Variants in TIGIT observed in about 807,000 individuals in gnomAD.
TIGIT encodes the protein T-cell immunoreceptor with Ig and ITIM domains.
TIGIT carries 11 observed loss-of-function variants against 19.6 expected under a neutral mutation model. The observed-to-expected ratio is 0.56, with a 90% CI of 0.35 to 0.93. The LOEUF (loss-of-function observed/expected upper bound fraction) is 0.93, where lower values mean the gene tolerates loss of function less well. Ranked by LOEUF, TIGIT falls within the 40% of genes least tolerant of loss-of-function variation. TIGIT has a pLI of 0.01. For missense variants in TIGIT, 295 were observed against 303.9 expected (o/e 0.97, Z 0.22); for synonymous variants, 130 against 125.5 (o/e 1.04, Z -0.24).
intron 2 of TIGIT, among the ~76,000 whole-genome samples, chr3:114,297,191 A>G (rs997138855): frequency 6.6e-6 from 1 of 152,110 alleles, no homozygotes; most frequent in Non-Finnish European, 1.5e-5. Flanking sequence ...ACATAGGCCA[A>G]ACAAAGACTG....
intron 2 of TIGIT, among the ~76,000 whole-genome samples, chr3:114,298,442 G>T (rs997281989): frequency 5.3e-5 from 8 of 152,162 alleles, no homozygotes; most frequent in African/African-American, 1.9e-4. Context: ...AGGTGTAAGA[G>T]AACCCAGGCC....
At chr3:114,300,304 T>C (rs1304107059) in intron 3 of TIGIT, among the ~76,000 whole-genome samples, 1 of 151,706 alleles carries the variant, frequency 6.6e-6, no homozygotes, top group African/African-American at 2.4e-5. Context: ...CACTTGACTC[T>C]AGGAGTTCAA....
rs1436144356 is a variant in TIGIT, at chr3:114,307,830, C to T, written c.499-65C>T. ...GTGTAAGAAAGGAAGAGAGAGATGTCATATTGGGGATTAACTGTTGAATAA... is the reference window on the plus strand; with the variant it reads ...GTGTAAGAAAGGAAGAGAGAGATGTTATATTGGGGATTAACTGTTGAATAA... On this transcript the variant is annotated intron_variant, in intron 3 of 3. Coordinates refer to ENST00000383671, the MANE Select transcript of TIGIT (RefSeq NM_173799.4). 7.8e-6 allele frequency: 11 copies of T among 1,408,282 alleles called. No individual in the cohort carries two copies. In the Admixed American group the frequency reaches 1.7e-4, roughly 22 times the overall value. 87.2% of individuals were successfully genotyped at this position (1,408,282 alleles called of 1,614,324 possible). A position where few individuals can be genotyped will look rare whatever the true frequency, so the allele number is the denominator to read the frequency against.
At chr3:114,306,778 T>C (rs1051243606) in intron 3 of TIGIT, among the ~76,000 whole-genome samples, 1 of 102,074 alleles carries the variant, frequency 9.8e-6, no homozygotes, top group Non-Finnish European at 2.2e-5. Context: ...AGTGAAATTA[T>C]GGATTTTCTT....
chr3:114,307,631 G>A, intron 3 of TIGIT: 1 of 460,320 alleles, frequency 2.2e-6, no homozygotes, highest in Admixed American at 3.6e-5. Flanking sequence ...AGAATGGAAA[G>A]CTGCCTCACT....
In TIGIT at chr3:114,295,689, G is replaced by A; in HGVS notation, c.206G>A (p.Cys69Tyr). 6.2e-7 allele frequency: 1 copy of A among 1,614,226 alleles called. No individual in the cohort carries two copies. The highest frequency in any genetic ancestry group is 8.5e-7 in the Non-Finnish European group (1 of 1,180,036). ...WEQQDQLLAICNADLGWHISP... is the reference protein window; with the variant it reads ...WEQQDQLLAIYNADLGWHISP... ...CAGCAGGACCAGCTTCTGGCCATTT[G>A]TAATGCTGACTTGGGGTGGCACATC... The change falls in exon 2 of 4, where the codon TGT (cysteine) becomes TAT (tyrosine). Residue 69 changes from cysteine to tyrosine, a missense_variant. Transcript: ENST00000383671.
At chr3:114,302,627 T>A (rs2078499682) in intron 3 of TIGIT, among the ~76,000 whole-genome samples, 1 of 152,238 alleles carries the variant, frequency 6.6e-6, no homozygotes, top group Non-Finnish European at 1.5e-5. Context: ...GATCTCCTCA[T>A]CCTCATTGCT....
At chr3:114,294,630 A>C (rs1278738249) in intron 1 of TIGIT, among the ~76,000 whole-genome samples, 2 of 152,214 alleles carry the variant, frequency 1.3e-5, no homozygotes, top group Non-Finnish European at 2.9e-5. Flanking sequence ...AGGGGAACAC[A>C]AATATTTAAA....
intron 3 of TIGIT, among the ~76,000 whole-genome samples, chr3:114,304,719 C>CAGTA (rs984785894): frequency 1.3e-5 from 2 of 152,192 alleles, no homozygotes; most frequent in African/African-American, 4.8e-5. Context: ...GCCTGATGGA[C>CAGTA]AGTAGGGGAG....
chr3:114,294,632 A>G (rs62265703), intron 1 of TIGIT, among the ~76,000 whole-genome samples: 25,897 of 152,206 alleles, frequency 0.17, 2,790 homozygotes, highest in Middle Eastern at 0.32. Context: ...GGGAACACAA[A>G]TATTTAAAAA....
In TIGIT at chr3:114,307,983, C is replaced by T. The variant is rs750928047; in HGVS notation, c.587C>T (p.Pro196Leu). 6.2e-7 allele frequency: 1 copy of T among 1,614,088 alleles called. No individual in the cohort carries two copies. The change falls in exon 4 of 4, where the codon CCC becomes CTC. Residue 196 changes from proline to leucine, a missense_variant. Coordinates refer to ENST00000383671, the MANE Select transcript of TIGIT (RefSeq NM_173799.4). The stretch of plus-strand genomic sequence containing the variant: ...GAATGGAGCCCCAGTGCTCCCTCAC[C>T]CCCAGGAAGCTGTGTCCAGGCAGAA... ...QEEWSPSAPS[P>L]PGSCVQAEAA...
chr3:114,297,627 A>G (rs186319433), intron 2 of TIGIT, among the ~76,000 whole-genome samples: 68 of 152,246 alleles, frequency 4.5e-4, no homozygotes, highest in African/African-American at 1.4e-3. Flanking sequence ...CTGAAGACCA[A>G]ATGGGAGCTA....
chr3:114,305,625 G>T lies in TIGIT; in HGVS notation c.499-2270G>T, dbSNP rs1187823515. On this transcript the variant is annotated intron_variant, in intron 3 of 3. Coordinates refer to ENST00000383671, the MANE Select transcript of TIGIT (RefSeq NM_173799.4). The stretch of plus-strand genomic sequence containing the variant: ...TACTTCTGGCTGCTCACCAGCGAGG[G>T]CCCAAGAGCAATTCTCCAGAGAAGG... 1.8e-4 allele frequency among the ~76,000 whole-genome samples: 28 copies of T among 152,252 alleles called. No homozygotes were observed. In the East Asian group the frequency reaches 4.1e-3, roughly 22 times the overall value.
At chr3:114,305,662 G>T (rs962522974) in intron 3 of TIGIT, among the ~76,000 whole-genome samples, 2 of 152,160 alleles carry the variant, frequency 1.3e-5, no homozygotes, top group African/African-American at 2.4e-5. Context: ...GCTGCTGTGA[G>T]CTCACAGCGT....
chr3:114,302,273 T>G (rs1185895629), intron 3 of TIGIT, among the ~76,000 whole-genome samples: 2 of 152,218 alleles, frequency 1.3e-5, no homozygotes, highest in African/African-American at 4.8e-5. Flanking sequence ...TTTAGTACAG[T>G]CTTCATAGGG....
At chr3:114,300,548 G>A (rs902960705) in intron 3 of TIGIT, among the ~76,000 whole-genome samples, 4 of 152,046 alleles carry the variant, frequency 2.6e-5, no homozygotes, top group Admixed American at 2.6e-4. Flanking sequence ...AATCTTTCAA[G>A]GTCTTCATTT....
chr3:114,307,944 C>T lies in TIGIT; in HGVS notation c.548C>T (p.Ser183Leu), dbSNP rs545231937. Reference sequence around the variant, plus strand: ...GTGGAAGGTGACCTCAGGAGAAAATCAGCTGGACAGGAGGAATGGAGCCCC... The same window carrying T: ...GTGGAAGGTGACCTCAGGAGAAAATTAGCTGGACAGGAGGAATGGAGCCCC... ...HSVEGDLRRKSAGQEEWSPSA... is the reference protein window; with the variant it reads ...HSVEGDLRRKLAGQEEWSPSA... The change falls in exon 4 of 4, where the codon TCA becomes TTA. Residue 183 changes from serine (S) to leucine (L), a missense_variant. Transcript: ENST00000383671. The T allele has an allele frequency of 1.9e-4, 302 of 1,614,112 alleles. 6 individuals carry two copies. In the South Asian group the frequency reaches 3.3e-3, roughly 17 times the overall value.
At chr3:114,297,176 A>G (rs992450780) in intron 2 of TIGIT, among the ~76,000 whole-genome samples, 2 of 152,080 alleles carry the variant, frequency 1.3e-5, no homozygotes, top group African/African-American at 4.8e-5. Context: ...TTCTTAACTG[A>G]TTTCACATAG....
At chr3:114,300,253 A>G (rs2078484005) in intron 3 of TIGIT, among the ~76,000 whole-genome samples, 1 of 152,150 alleles carries the variant, frequency 6.6e-6, no homozygotes, top group African/African-American at 2.4e-5. Flanking sequence ...CTATCACAAT[A>G]GACATAATTC....
Sources: gnomAD v4.1 joint callset for allele counts (sites outside exome capture counted in the v4.1 genomes callset) on GRCh38, gnomAD v4.1.1 for gene constraint, MANE v1.5 for transcripts, NCBI Gene and HGNC (gene_info 2026-07-23, HGNC 2026-07-21) for gene names.